PSMA8: variants seen among roughly 807,000 people sequenced by gnomAD.
PSMA8 encodes proteasome subunit alpha-type 8.
PSMA8 carries 18 observed loss-of-function variants against 32.4 expected under a neutral mutation model. That is an observed-to-expected ratio of 0.56 (90% CI 0.38 to 0.82). PSMA8 has a LOEUF of 0.82. Among genes scored for constraint, PSMA8 ranks in the 40% least tolerant of loss-of-function variants. The probability of loss-of-function intolerance (pLI) is 0.00; values close to 1 mark genes in which losing one functional copy is unlikely to be tolerated. For missense variants in PSMA8, 298 were observed against 300.7 expected, an observed-to-expected ratio of 0.99 and a Z score of 0.07; for synonymous variants, 104 against 98.1, an observed-to-expected ratio of 1.06 and a Z score of -0.36.
At chr18:26,143,622 T>C (rs1295554134) in intron 1 of PSMA8, among the ~76,000 whole-genome samples, 1 of 152,232 alleles carries the variant, frequency 6.6e-6, no homozygotes, top group African/African-American at 2.4e-5. Flanking sequence ...AGATGCTCTT[T>C]AAAATTTTTG....
intron 4 of PSMA8, among the ~76,000 whole-genome samples, chr18:26,160,088 A>G (rs750050366): frequency 6.6e-6 from 1 of 152,112 alleles, no homozygotes; most frequent in Non-Finnish European, 1.5e-5. Flanking sequence ...GATTACTTGA[A>G]TGCAGGAGTT....
At chr18:26,145,307 G>A (rs536143082) in intron 2 of PSMA8, among the ~76,000 whole-genome samples, 2 of 152,088 alleles carry the variant, frequency 1.3e-5, no homozygotes, top group East Asian at 1.9e-4. Context: ...TAGTGGAGAC[G>A]GGGTTTCTCC....
chr18:26,140,044 G>A, intron 1 of PSMA8: 2 of 702,932 alleles, frequency 2.8e-6, no homozygotes, highest in Non-Finnish European at 5.2e-6. Flanking sequence ...TCCTTTGGTA[G>A]TATCATGTTT....
intron 1 of PSMA8, among the ~76,000 whole-genome samples, chr18:26,138,272 G>A (rs1006982931): frequency 4.6e-5 from 7 of 152,206 alleles, no homozygotes; most frequent in African/African-American, 1.2e-4. Context: ...CCTGGCCACA[G>A]TGATGAGCAT....
At chr18:26,173,003 C>G (rs2055235978) in intron 4 of PSMA8, among the ~76,000 whole-genome samples, 1 of 152,100 alleles carries the variant, frequency 6.6e-6, no homozygotes, top group African/African-American at 2.4e-5. Context: ...GTGGTCAAGG[C>G]CATGCGTTCT....
intron 2 of PSMA8, among the ~76,000 whole-genome samples, chr18:26,148,063 C>T (rs1329336455): frequency 6.6e-6 from 1 of 152,132 alleles, no homozygotes; most frequent in Non-Finnish European, 1.5e-5. Context: ...AGTCTAGGAT[C>T]TAACGACTTC....
intron 1 of PSMA8, among the ~76,000 whole-genome samples, chr18:26,134,304 T>C (rs1049466338): frequency 6.6e-6 from 1 of 151,942 alleles, no homozygotes; most frequent in Non-Finnish European, 1.5e-5. Context: ...CTCTGTTTCA[T>C]GGTAGCTACA....
chr18:26,160,030 G>A (rs896903134), intron 4 of PSMA8, among the ~76,000 whole-genome samples: 1 of 152,120 alleles, frequency 6.6e-6, no homozygotes, highest in Non-Finnish European at 1.5e-5. Flanking sequence ...AACCTGGTGT[G>A]GTAGCTCACT....
At chr18:26,137,018 C>T (rs1435843226) in intron 1 of PSMA8, among the ~76,000 whole-genome samples, 1 of 152,144 alleles carries the variant, frequency 6.6e-6, no homozygotes, top group Non-Finnish European at 1.5e-5. Flanking sequence ...AGCCCCTGCT[C>T]CTTGCATTGT....
intron 4 of PSMA8, chr18:26,170,630 G>C: frequency 1.2e-6 from 1 of 822,502 alleles, no homozygotes; most frequent in Non-Finnish European, 1.8e-6. Context: ...AATAATTATA[G>C]ATCTAAAGTC....
intron 4 of PSMA8, among the ~76,000 whole-genome samples, chr18:26,171,887 C>T (rs1006580474): frequency 6.6e-6 from 1 of 152,234 alleles, no homozygotes; most frequent in African/African-American, 2.4e-5. Flanking sequence ...GACTTTATTA[C>T]TCATGGCACA....
intron 6 of PSMA8, among the ~76,000 whole-genome samples, chr18:26,186,215 C>T (rs2055351904): frequency 7.5e-6 from 1 of 132,676 alleles, no homozygotes; most frequent in Non-Finnish European, 1.6e-5. Flanking sequence ...CGCCACTGCA[C>T]TCTAGCCTGG....
At position 26,179,102 on chromosome 18, in the gene PSMA8, C is replaced by T. The variant is rs1270003072; in HGVS notation, c.632C>T (p.Ala211Val). ...TCTGGTGGAAAAAACATTGAACTTG[C>T]TATAATAAGAAGAAATCAACCTTTG... The part of the protein sequence containing the change: ...VQSGGKNIEL[A>V]IIRRNQPLKM... The change falls in exon 6 of 7, where the codon GCT becomes GTT. Residue 211 changes from alanine (A) to valine (V), a missense_variant. Physicochemically the swap from Ala to Val is moderately conservative, Grantham distance 64 (BLOSUM62 0). Coordinates refer to ENST00000415576, the MANE Select transcript of PSMA8 (RefSeq NM_001025096.2). The T allele has an allele frequency of 6.2e-7, 1 of 1,612,256 alleles. No homozygotes were observed. Among genetic ancestry groups the T allele is most frequent in the South Asian group, 1.1e-5 (1 of 91,012 alleles).
intron 6 of PSMA8, among the ~76,000 whole-genome samples, chr18:26,186,434 C>CA (rs1448644633): frequency 6.6e-6 from 1 of 151,880 alleles, no homozygotes; most frequent in African/African-American, 2.4e-5. Flanking sequence ...ATTAGAAAAA[C>CA]ACATAAGATA....
intron 6 of PSMA8, among the ~76,000 whole-genome samples, chr18:26,183,387 G>A (rs914533672): frequency 3.4e-5 from 5 of 148,634 alleles, no homozygotes; most frequent in African/African-American, 7.6e-5. Context: ...GCAAGACTCC[G>A]TCTAAAAAAA....
chr18:26,186,590 A>C (rs1231957007), intron 6 of PSMA8, among the ~76,000 whole-genome samples: 1 of 152,208 alleles, frequency 6.6e-6, no homozygotes, highest in East Asian at 1.9e-4. Context: ...ACTAAGAAGT[A>C]AATAGTATTT....
chr18:26,139,674 C>T (rs1259054967), intron 1 of PSMA8, among the ~76,000 whole-genome samples: 1 of 152,106 alleles, frequency 6.6e-6, no homozygotes, highest in African/African-American at 2.4e-5. Context: ...ATAGACTAAG[C>T]CGAGGATAGT....
chr18:26,152,262 T>C (rs1247922754), intron 3 of PSMA8, among the ~76,000 whole-genome samples: 1 of 152,200 alleles, frequency 6.6e-6, no homozygotes, highest in East Asian at 1.9e-4. Flanking sequence ...TGGAGATTAA[T>C]ACAAAGAGTT....
intron 2 of PSMA8, 112 bp from the exon 3 acceptor site, chr18:26,151,746 G>T: frequency 1.0e-6 from 1 of 997,264 alleles, no homozygotes; most frequent in Non-Finnish European, 1.4e-6. Flanking sequence ...CATGTATTGA[G>T]AAAAAAAGGA....
Sources: allele counts gnomAD v4.1 joint callset (sites outside exome capture counted in the v4.1 genomes callset), GRCh38; gene constraint gnomAD v4.1.1; transcripts MANE v1.5; gene names NCBI Gene and HGNC (gene_info 2026-07-23, HGNC 2026-07-21).